CCDC88A: variants seen among roughly 807,000 people sequenced by gnomAD.
CCDC88A encodes the protein coiled-coil and HOOK domain protein 88A, also known as girdin.
CCDC88A carries 54 observed loss-of-function variants against 234.3 expected under a neutral mutation model. The observed-to-expected ratio is 0.23, with a 90% CI of 0.19 to 0.29. The LOEUF is 0.29. Among genes scored for constraint, CCDC88A ranks in the 10% least tolerant of loss-of-function variants. CCDC88A has a pLI of 1.00. For synonymous variants in CCDC88A, 753 were observed against 737.8 expected (o/e 1.02, Z -0.33); for missense variants, 1,832 against 2,123.4 (o/e 0.86, Z 2.70).
chr2:55,416,542 CTA>C (rs1354067805), intron 2 of CCDC88A, among the ~76,000 whole-genome samples: 1 of 134,892 alleles, frequency 7.4e-6, no homozygotes, highest in Non-Finnish European at 1.6e-5. Context: ...TTGATAAAAA[CTA>C]TAAACCCACA....
Position 55,296,446 on chromosome 2 carries a change from A to G in CCDC88A, c.4903T>C (p.Trp1635Arg), listed in dbSNP as rs749824376. The stretch of plus-strand genomic sequence containing the variant: ...ATTGGACTGCTACCACTGCTGGACC[A>G]AGCCTCATGGTCATGAAGCAGGCTA... Reference protein sequence around the residue: ...EFSLLHDHEAWSSSGSSPIQY... With the variant: ...EFSLLHDHEARSSSGSSPIQY... Residue 1635 changes from tryptophan (W) to arginine (R), a missense_variant, in exon 30 of 33, where the codon TGG (tryptophan) becomes CGG (arginine). By Grantham distance (101) the Trp-to-Arg change is moderately radical. Coordinates refer to ENST00000436346, the MANE Select transcript of CCDC88A (RefSeq NM_001365480.1). 1 of 1,614,244 alleles carries G rather than the reference A, an allele frequency of 6.2e-7. No homozygotes were observed. The highest frequency in any genetic ancestry group is 1.1e-5 in the South Asian group (1 of 91,086).
intron 8 of CCDC88A, among the ~76,000 whole-genome samples, chr2:55,354,034 T>C (rs1433149901): frequency 6.6e-6 from 1 of 152,178 alleles, no homozygotes; most frequent in African/African-American, 2.4e-5. Flanking sequence ...GTGACAGTAC[T>C]GAATACTGTA....
intron 10 of CCDC88A, chr2:55,345,808 T>G (rs3791642): frequency 3.8e-5 from 6 of 158,536 alleles, no homozygotes; most frequent in Admixed American, 2.6e-4. Flanking sequence ...TTAATCTTAA[T>G]TTAGTGATCT....
chr2:55,415,888 G>A (rs1681288453), intron 2 of CCDC88A, among the ~76,000 whole-genome samples: 1 of 151,944 alleles, frequency 6.6e-6, no homozygotes, highest in Non-Finnish European at 1.5e-5. Flanking sequence ...ACTGTTTTCA[G>A]GTAACTTAAT....
Position 55,399,468 on chromosome 2 carries a change from A to T in CCDC88A, c.165-10582T>A, listed in dbSNP as rs532057451. The stretch of plus-strand genomic sequence containing the variant: ...GCTTGAGCTGGGAGGCGGAGGTTGC[A>T]GTGAGCCGAGATTGCGCCACTGTAC... On this transcript the variant is annotated intron_variant, in intron 2 of 32. Coordinates refer to ENST00000436346, the MANE Select transcript of CCDC88A (RefSeq NM_001365480.1). Among the ~76,000 whole-genome samples, 11 of 150,196 alleles carry T rather than the reference A, an allele frequency of 7.3e-5. No individual in the cohort carries two copies. In the Middle Eastern group the frequency reaches 0.024, roughly 332 times the overall value.
intron 2 of CCDC88A, among the ~76,000 whole-genome samples, chr2:55,402,709 TTAA>T (rs1558829509): frequency 4.5e-4 from 5 of 11,064 alleles, no homozygotes; most frequent in Admixed American, 1.8e-3. Context: ...TTATTACTAT[TTAA>T]AAAAAAAAAA....
At position 55,288,803 on chromosome 2, in the gene CCDC88A, A is replaced by G. The variant is rs970212073; in HGVS notation, c.*2397T>C. The G allele has an allele frequency of 6.6e-6, 1 of 152,212 alleles. No homozygotes were observed. The highest frequency in any genetic ancestry group is 2.4e-5 in the African/African-American group (1 of 41,466). The allele number at this position is 152,212 out of a possible 1,614,324, so 9.4% of individuals were successfully genotyped here. A position where few individuals can be genotyped will look rare whatever the true frequency, so the allele number is the denominator to read the frequency against. ...ATTTAAAGCATGTCAGGCCCCGGTTAGGAAAATGAAAATGGCTCCGATTCG... is the reference window on the plus strand; with the variant it reads ...ATTTAAAGCATGTCAGGCCCCGGTTGGGAAAATGAAAATGGCTCCGATTCG... On this transcript the variant is annotated 3_prime_UTR_variant, in exon 33 of 33. Coordinates refer to ENST00000436346, the MANE Select transcript of CCDC88A (RefSeq NM_001365480.1).
Position 55,346,314 on chromosome 2 carries a change from T to A in CCDC88A, c.902A>T (p.Asp301Val). 1 of 1,592,366 alleles carries A rather than the reference T, an allele frequency of 6.3e-7. No homozygotes were observed. Among genetic ancestry groups the A allele is most frequent in the Non-Finnish European group, 8.6e-7 (1 of 1,168,482 alleles). Reference sequence around the variant, plus strand: ...TCGGTACATTCTGGCAGAGCGAGCATCCGAAAGCAAATTCATGTTCTAAAC... The same window carrying A: ...TCGGTACATTCTGGCAGAGCGAGCAACCGAAAGCAAATTCATGTTCTAAAC... ...LQQENMNLLSDARSARMYRDE... is the reference protein window; with the variant it reads ...LQQENMNLLSVARSARMYRDE... The change falls in exon 10 of 33, where the codon GAT becomes GTT. Residue 301 changes from aspartate to valine, a missense_variant. Asp to Val is a radical substitution (Grantham distance 152). Coordinates refer to ENST00000436346, the MANE Select transcript of CCDC88A (RefSeq NM_001365480.1).
At chr2:55,394,827 A>G (rs1390203676) in intron 2 of CCDC88A, among the ~76,000 whole-genome samples, 2 of 150,788 alleles carry the variant, frequency 1.3e-5, no homozygotes, top group African/African-American at 4.9e-5. Flanking sequence ...AAAAAAAAAG[A>G]AAAAAAATGT....
At chr2:55,384,604 T>TACGC in intron 3 of CCDC88A, among the ~76,000 whole-genome samples, 1 of 125,026 alleles carries the variant, frequency 8.0e-6, no homozygotes, top group African/African-American at 3.4e-5. Context: ...TATATACGTA[T>TACGC]ATATGTGTAT....
chr2:55,379,744 T>C (rs370917697), intron 3 of CCDC88A, among the ~76,000 whole-genome samples: 109 of 151,790 alleles, frequency 7.2e-4, no homozygotes, highest in Middle Eastern at 3.4e-3. Context: ...AGAAACCTTG[T>C]CTCTACTAAA....
chr2:55,336,476 G>C (rs2104695465), intron 14 of CCDC88A, among the ~76,000 whole-genome samples: 1 of 152,024 alleles, frequency 6.6e-6, no homozygotes, highest in South Asian at 2.1e-4. Context: ...CACAATGGTA[G>C]TTTAAAAAAC....
intron 2 of CCDC88A, among the ~76,000 whole-genome samples, chr2:55,395,629 C>T (rs1396525507): frequency 6.6e-6 from 1 of 151,970 alleles, no homozygotes; most frequent in Non-Finnish European, 1.5e-5. Flanking sequence ...TTTTTTAAAC[C>T]ATTGCTTTCT....
intron 4 of CCDC88A, 70 bp downstream of exon 4, chr2:55,374,744 G>A (rs1673360112): frequency 6.5e-6 from 6 of 919,612 alleles, no homozygotes; most frequent in East Asian, 4.9e-5. Context: ...TAAGCTCTTA[G>A]TAAAAAATAA....
intron 2 of CCDC88A, among the ~76,000 whole-genome samples, chr2:55,392,858 C>T (rs1227513529): frequency 6.8e-6 from 1 of 147,352 alleles, no homozygotes; most frequent in Non-Finnish European, 1.5e-5. Flanking sequence ...CTATTCTGTC[C>T]CACTAAGCCA....
intron 2 of CCDC88A, chr2:55,406,021 T>C (rs2104963367): frequency 6.6e-6 from 1 of 152,028 alleles, no homozygotes; most frequent in South Asian, 2.1e-4. Flanking sequence ...TAGCTAGCTG[T>C]GGTGGCACGC....
chr2:55,300,107 A>C (rs550832045), intron 28 of CCDC88A, 188 bp from the exon 29 acceptor site: 2 of 539,392 alleles, frequency 3.7e-6, no homozygotes, highest in East Asian at 6.2e-5. Flanking sequence ...ACACTTCTGA[A>C]ACAATAGTTG....
At chr2:55,299,597 A>G (rs1680635495) in intron 29 of CCDC88A, among the ~76,000 whole-genome samples, 1 of 152,248 alleles carries the variant, frequency 6.6e-6, no homozygotes, top group South Asian at 2.1e-4. Context: ...TATAAATATT[A>G]CTATAAGACT....
At chr2:55,354,563 T>G (rs920812042) in intron 8 of CCDC88A, among the ~76,000 whole-genome samples, 2 of 151,594 alleles carry the variant, frequency 1.3e-5, no homozygotes, top group South Asian at 4.2e-4. Flanking sequence ...ATCCTTATGC[T>G]TTTTTTCTTT....
Sources: gnomAD v4.1 joint callset for allele counts (sites outside exome capture counted in the v4.1 genomes callset) on GRCh38, gnomAD v4.1.1 for gene constraint, MANE v1.5 for transcripts, NCBI Gene and HGNC (gene_info 2026-07-23, HGNC 2026-07-21) for gene names.